The following SGSM3 variants were observed in gnomAD, a reference collection of about 807,000 sequenced individuals.
SGSM3 encodes RUN and SH3 containing 3.
SGSM3 carries 96 observed loss-of-function variants against 100.5 expected under a neutral mutation model. The observed-to-expected ratio is 0.96, with a 90% CI of 0.81 to 1.13. The LOEUF is 1.13. SGSM3 is among the 50% of genes most tolerant of loss of function. The pLI, the probability that SGSM3 is intolerant of heterozygous loss-of-function variation, is 0.00. For synonymous variants in SGSM3, 483 were observed against 422.8 expected, an observed-to-expected ratio of 1.14 and a Z score of -1.75; for missense variants, 1,001 against 1,015.8, an observed-to-expected ratio of 0.99 and a Z score of 0.20.
intron 8 of SGSM3, 104 bp downstream of exon 8, chr22:40,405,948 C>G: frequency 6.8e-7 from 1 of 1,475,578 alleles, no homozygotes; most frequent in African/African-American, 1.4e-5. Context: ...GTCTTTGTCG[C>G]TCTTTTGTTC....
At chr22:40,404,038 A>G (rs528009249) in intron 4 of SGSM3, 146 of 414,512 alleles carry the variant, frequency 3.5e-4, no homozygotes, top group African/African-American at 2.9e-3. Context: ...CTTTGAGGAG[A>G]AGGTGAAGAG....
intron 4 of SGSM3, among the ~76,000 whole-genome samples, chr22:40,403,285 C>T (rs572296004): frequency 6.6e-6 from 1 of 152,244 alleles, no homozygotes; most frequent in South Asian, 2.1e-4. Flanking sequence ...TGAATAAGGA[C>T]GAGGCTGTCT....
At chr22:40,391,414 C>A (rs1318647665) in intron 1 of SGSM3, among the ~76,000 whole-genome samples, 1 of 152,054 alleles carries the variant, frequency 6.6e-6, no homozygotes, top group Non-Finnish European at 1.5e-5. Context: ...TTGAGACCAG[C>A]CTAGGCAACA....
intron 15 of SGSM3, 68 bp from the exon 16 acceptor site, chr22:40,408,209 G>A: frequency 6.2e-7 from 1 of 1,606,012 alleles, no homozygotes; most frequent in Non-Finnish European, 8.5e-7. Context: ...GCATGGCAGA[G>A]AGGACAGAGG....
At chr22:40,393,028 G>A (rs748449301) in intron 1 of SGSM3, among the ~76,000 whole-genome samples, 2 of 152,158 alleles carry the variant, frequency 1.3e-5, no homozygotes, top group African/African-American at 2.4e-5. Flanking sequence ...TTCCTTTTAT[G>A]GATGAATAAT....
rs1261650058 is a variant in SGSM3, at chr22:40,402,309, G to A, written c.157+104G>A. On this transcript the variant is annotated intron_variant, in intron 4 of 21. Coordinates refer to ENST00000248929, the MANE Select transcript of SGSM3 (RefSeq NM_015705.6). ...GCCTGTGATGGCTGAGCTCTGATGC[G>A]TCAGGGTTCCAGATTTAAGGACAGA... 21 of 860,712 alleles carry A rather than the reference G, an allele frequency of 2.4e-5. No homozygotes were observed. In the East Asian group the frequency reaches 4.6e-4, roughly 19 times the overall value. 53.3% of individuals were successfully genotyped at this position (860,712 alleles called of 1,614,324 possible).
rs754777545 is a variant in SGSM3 at position 40,407,564 on chromosome 22, T to C, written c.1520T>C (p.Ile507Thr). 3.1e-6 allele frequency: 5 copies of C among 1,602,776 alleles called. No homozygotes were observed. Among genetic ancestry groups the C allele is most frequent in the East Asian group, 4.5e-5 (2 of 44,880 alleles). ...CTGGGCTTCCGCAAGAACGACATCA[T>C]CACAGTGCGTGGGGGCGCTGGACTA... ...DELGFRKNDI[I>T]TIVSQKDEHC... The change falls in exon 13 of 22, where the codon ATC becomes ACC. Residue 507 changes from isoleucine (I) to threonine (T), a missense_variant. By Grantham distance (89) the Ile-to-Thr change is moderately conservative (BLOSUM62 -1). Coordinates refer to ENST00000248929, the MANE Select transcript of SGSM3 (RefSeq NM_015705.6). The surrounding 1 kb of genome is among the most constrained non-coding windows in gnomAD (Gnocchi z 4.7).
chr22:40,408,207 G>GA, intron 15 of SGSM3, 70 bp from the exon 16 acceptor site: 1 of 1,607,018 alleles, frequency 6.2e-7, no homozygotes, highest in Non-Finnish European at 8.5e-7. Flanking sequence ...TAGCATGGCA[G>GA]AGAGGACAGA....
chr22:40,382,950 G>A (rs929168143), intron 1 of SGSM3, among the ~76,000 whole-genome samples: 1 of 152,228 alleles, frequency 6.6e-6, no homozygotes, highest in African/African-American at 2.4e-5. Context: ...CAGTAACACT[G>A]TATAAAGGTG....
rs5757936 is a variant in SGSM3 at position 40,386,334 on chromosome 22, A to G, written c.-111-14362A>G. Among the ~76,000 whole-genome samples, 2,331 of 152,296 alleles carry G rather than the reference A, an allele frequency of 0.015. 398 individuals carry two copies. The East Asian group carries it at 0.37, about 24-fold the overall frequency. On this transcript the variant is annotated intron_variant, in intron 1 of 21. Coordinates refer to ENST00000248929, the MANE Select transcript of SGSM3 (RefSeq NM_015705.6). The stretch of plus-strand genomic sequence containing the variant: ...ATTAAGTGTGAAATAATATAAAGAT[A>G]TGGACTGCTTAACCCTAAGGTTCAC...
intron 1 of SGSM3, among the ~76,000 whole-genome samples, chr22:40,375,590 AAAAG>A (rs1820478421): frequency 1.3e-5 from 2 of 152,016 alleles, no homozygotes; most frequent in Non-Finnish European, 2.9e-5. Context: ...CAAAAAAAAA[AAAAG>A]AGATTGACAC....
chr22:40,407,364 G>T lies in SGSM3; in HGVS notation c.1368+36G>T. The T allele has an allele frequency of 6.2e-7, 1 of 1,612,688 alleles. No individual in the cohort carries two copies. Among genetic ancestry groups the T allele is most frequent in the Non-Finnish European group, 8.5e-7 (1 of 1,179,438 alleles). ...AGCTCCCTGGGCTGCTACCAAACAC[G>T]GCCCTAACTCCTCCAACCCCCTTGG... On this transcript the variant is annotated intron_variant, in intron 12 of 21. Transcript: ENST00000248929. The surrounding 1 kb of genome is among the most constrained non-coding windows in gnomAD (Gnocchi z 4.7).
intron 2 of SGSM3, among the ~76,000 whole-genome samples, chr22:40,401,373 G>A (rs139057109): frequency 2.0e-5 from 3 of 152,136 alleles, no homozygotes; most frequent in East Asian, 3.9e-4. Context: ...CCTGCCTCCC[G>A]AGTAGCTGGG....
chr22:40,387,651 CA>C (rs912967046), intron 1 of SGSM3, among the ~76,000 whole-genome samples: 1 of 152,186 alleles, frequency 6.6e-6, no homozygotes, highest in African/African-American at 2.4e-5. Context: ...GTATTTATTT[CA>C]CTTCTACTTC....
In SGSM3 at chr22:40,382,858, G is replaced by GT. The variant is rs559128270; in HGVS notation, c.-112+12170_-112+12171insT. ...CCTATTATCCTAATTTTACTGATAG[G>GT]GAAGCTGAGGTTAGGGAAGATGAAT... On this transcript the variant is annotated intron_variant, in intron 1 of 21. Transcript: ENST00000248929. Among the ~76,000 whole-genome samples the GT allele has an allele frequency of 1.7e-3, 255 of 152,298 alleles. 1 individual carries two copies. Among genetic ancestry groups the GT allele is most frequent in the African/African-American group, 5.9e-3 (247 of 41,556 alleles).
intron 16 of SGSM3, 34 bp from the exon 17 acceptor site, chr22:40,408,593 G>C: frequency 6.2e-7 from 1 of 1,612,586 alleles, no homozygotes; most frequent in South Asian, 1.1e-5. Flanking sequence ...GCATCTTCCT[G>C]TCCCTGCACT....
At position 40,405,287 on chromosome 22, in the gene SGSM3, G is replaced by A; in HGVS notation, c.618+3G>A. 9.3e-6 allele frequency: 14 copies of A among 1,500,362 alleles called. No individual in the cohort carries two copies. The highest frequency in any genetic ancestry group is 1.2e-5 in the Non-Finnish European group (14 of 1,124,006). 92.9% of individuals were successfully genotyped at this position (1,500,362 alleles called of 1,614,324 possible). On this transcript the variant is annotated splice_donor_region_variant and intron_variant, in intron 7 of 21. Coordinates refer to ENST00000248929, the MANE Select transcript of SGSM3 (RefSeq NM_015705.6). Reference sequence around the variant, plus strand: ...GCTACTGCCAGGGCACCGGCATGGTGAGCACAGCCCCAGAAAGGGCAGTGG... The same window carrying A: ...GCTACTGCCAGGGCACCGGCATGGTAAGCACAGCCCCAGAAAGGGCAGTGG...
Position 40,409,687 on chromosome 22 carries a change from G to A in SGSM3, c.2178G>A (p.Gln726=), listed in dbSNP as rs1426190727. ...DWELPAKREA[Q]QPLKEGVRDM... ...AGGGGCTGCCCTGTTTGCAGGCGCA[G>A]CAGCCCCTGAAGGAGGGCGTCCGGG... Residue 726 remains glutamine (Q), a synonymous_variant, in exon 22 of 22, where the codon CAG becomes CAA. Transcript: ENST00000248929. The A allele has an allele frequency of 1.2e-6, 2 of 1,613,432 alleles. No individual in the cohort carries two copies. The highest frequency in any genetic ancestry group is 1.1e-5 in the South Asian group (1 of 91,074).
intron 1 of SGSM3, among the ~76,000 whole-genome samples, chr22:40,374,600 G>A (rs2046232498): frequency 6.6e-6 from 1 of 152,214 alleles, no homozygotes; most frequent in Non-Finnish European, 1.5e-5. Context: ...CTGTTGAATG[G>A]GGCCCAGTAC....
Sources: gnomAD v4.1 joint callset for allele counts (sites outside exome capture counted in the v4.1 genomes callset) on GRCh38, gnomAD v4.1.1 for gene constraint, Gnocchi (gnomAD v3.1) non-coding constraint, MANE v1.5 for transcripts, NCBI Gene and HGNC (gene_info 2026-07-23, HGNC 2026-07-21) for gene names.